Variants in RBFOX1 observed in about 807,000 individuals in gnomAD.
RBFOX1 encodes the protein RNA binding fox-1 homolog 1.
RBFOX1 carries 8 observed loss-of-function variants against 57.7 expected under a neutral mutation model. That is an observed-to-expected ratio of 0.14 (90% CI 0.08 to 0.25). The LOEUF (loss-of-function observed/expected upper bound fraction) is 0.25. Ranked by LOEUF, RBFOX1 falls within the 10% of genes least tolerant of loss-of-function variation. RBFOX1 has a pLI of 1.00. For missense variants in RBFOX1, 611 were observed against 548.5 expected, an observed-to-expected ratio of 1.11 and a Z score of -1.14; for synonymous variants, 326 against 222.4, an observed-to-expected ratio of 1.47 and a Z score of -4.15.
intron 14 of RBFOX1, among the ~76,000 whole-genome samples, chr16:7,700,729 A>G (rs1450889879): frequency 6.6e-6 from 1 of 152,188 alleles, no homozygotes; most frequent in Non-Finnish European, 1.5e-5. Flanking sequence ...TTTCATCACC[A>G]AAAGTGGGAC....
chr16:7,388,740 T>G (rs1205921512), intron 4 of RBFOX1, among the ~76,000 whole-genome samples: 1 of 150,450 alleles, frequency 6.6e-6, no homozygotes. Flanking sequence ...TTCCACGAGA[T>G]ATTCAATACT....
At chr16:6,733,329 G>A (rs1030155987) in intron 3 of RBFOX1, among the ~76,000 whole-genome samples, 3 of 152,106 alleles carry the variant, frequency 2.0e-5, no homozygotes, top group Non-Finnish European at 2.9e-5. Flanking sequence ...CATATATGTA[G>A]TCCTTCCATC....
At chr16:6,173,216 C>G (rs1286919942) in intron 1 of RBFOX1, among the ~76,000 whole-genome samples, 1 of 152,116 alleles carries the variant, frequency 6.6e-6, no homozygotes, top group Non-Finnish European at 1.5e-5. Context: ...GTGGACACTT[C>G]TGAGGGGTGG....
intron 1 of RBFOX1, among the ~76,000 whole-genome samples, chr16:6,314,155 C>T (rs2080769155): frequency 6.6e-6 from 1 of 152,104 alleles, no homozygotes; most frequent in Admixed American, 6.5e-5. Context: ...TCAGAGAAAC[C>T]TCTTTCTGGA....
At chr16:5,999,187 C>G (rs2060543204) in intron 4 of RBFOX1, among the ~76,000 whole-genome samples, 1 of 152,126 alleles carries the variant, frequency 6.6e-6, no homozygotes, top group African/African-American at 2.4e-5. Context: ...AGCCTCCTGC[C>G]AACACTGCCT....
intron 4 of RBFOX1, among the ~76,000 whole-genome samples, chr16:7,438,689 A>G (rs529662199): frequency 1.3e-5 from 2 of 152,308 alleles, no homozygotes; most frequent in African/African-American, 4.8e-5. Context: ...TTAACGTGCT[A>G]AAGTCGGCTT....
intron 2 of RBFOX1, among the ~76,000 whole-genome samples, chr16:6,591,456 A>C (rs2097709454): frequency 6.6e-6 from 1 of 152,130 alleles, no homozygotes. Flanking sequence ...TCTGTCTCAC[A>C]AAAAAAGGAA....
chr16:6,559,161 GTT>G (rs1368708048), intron 2 of RBFOX1, among the ~76,000 whole-genome samples: 3 of 133,948 alleles, frequency 2.2e-5, no homozygotes, highest in African/African-American at 8.1e-5. Flanking sequence ...ATATATGACT[GTT>G]TGTGTGTACA....
chr16:6,693,895 C>G (rs2060637161), intron 3 of RBFOX1, among the ~76,000 whole-genome samples: 1 of 152,332 alleles, frequency 6.6e-6, no homozygotes, highest in East Asian at 1.9e-4. Context: ...AATGTTGGAT[C>G]CTTTATGAGA....
chr16:7,120,520 A>C (rs938642004), intron 4 of RBFOX1, among the ~76,000 whole-genome samples: 1 of 151,978 alleles, frequency 6.6e-6, no homozygotes, highest in Non-Finnish European at 1.5e-5. Context: ...ATGCACATGT[A>C]GTCAACAACT....
chr16:6,872,662 G>C (rs2061144450), intron 3 of RBFOX1, among the ~76,000 whole-genome samples: 1 of 152,152 alleles, frequency 6.6e-6, no homozygotes, highest in South Asian at 2.1e-4. Flanking sequence ...AGAATGATTG[G>C]ACACTGTCAC....
intron 3 of RBFOX1, among the ~76,000 whole-genome samples, chr16:6,812,327 A>G (rs2088880652): frequency 6.6e-6 from 1 of 152,182 alleles, no homozygotes; most frequent in Non-Finnish European, 1.5e-5. Context: ...GAAAGGAAAC[A>G]CAATGCAAAG....
chr16:6,760,867 T>C (rs2076502555), intron 3 of RBFOX1, among the ~76,000 whole-genome samples: 1 of 152,118 alleles, frequency 6.6e-6, no homozygotes, highest in African/African-American at 2.4e-5. Context: ...CTCTGGTCAA[T>C]GCCACCCACC....
At chr16:6,674,865 A>G (rs1005517748) in intron 3 of RBFOX1, among the ~76,000 whole-genome samples, 6 of 152,092 alleles carry the variant, frequency 3.9e-5, no homozygotes, top group Non-Finnish European at 5.9e-5. Context: ...CTGGGAGAGA[A>G]TAAATTACTG....
chr16:5,277,795 T>G lies in RBFOX1; in HGVS notation c.219+37690T>G, dbSNP rs1466419503. On this transcript the variant is annotated intron_variant, in intron 1 of 2. Coordinates refer to the RBFOX1 transcript ENST00000585867. ...CCTAGTTCACCTGACATTATGACCT[T>G]TAGTTCCATCCATTTAGCTGAAAAT... Among the ~76,000 whole-genome samples the G allele has an allele frequency of 3.3e-5, 5 of 152,242 alleles. No homozygotes were observed. The South Asian group carries it at 6.2e-4, about 19-fold the overall frequency.
chr16:6,540,043 C>G (rs968717422), intron 2 of RBFOX1, among the ~76,000 whole-genome samples: 2 of 152,064 alleles, frequency 1.3e-5, no homozygotes, highest in African/African-American at 4.8e-5. Flanking sequence ...CAGTCTCTGT[C>G]CTGGGTAGGG....
At chr16:6,224,941 C>A (rs1446209141) in intron 1 of RBFOX1, among the ~76,000 whole-genome samples, 1 of 146,748 alleles carries the variant, frequency 6.8e-6, no homozygotes, top group Non-Finnish European at 1.5e-5. Flanking sequence ...ATCGCTTGAA[C>A]CTGGGAGGTG....
Position 5,589,101 on chromosome 16 carries a change from C to T in RBFOX1, c.259-9801C>T, listed in dbSNP as rs1020952594. On this transcript the variant is annotated intron_variant, in intron 2 of 2. Transcript: ENST00000585867. ...GGTATGGAGTGGGGTGGGAAGAAAC[C>T]GCCTCCTTATGGGAGATGTTGTAAA... is the stretch of plus-strand genomic sequence containing the variant. Among the ~76,000 whole-genome samples the T allele has an allele frequency of 4.6e-5, 7 of 152,138 alleles. No individual in the cohort carries two copies. In the East Asian group the frequency reaches 7.7e-4, roughly 17 times the overall value.
At position 7,541,916 on chromosome 16, in the gene RBFOX1, G is replaced by A. The variant is rs548218086; in HGVS notation, c.270+23527G>A. On this transcript the variant is annotated intron_variant, in intron 5 of 15. Transcript: ENST00000550418. ...ACATGCCTGCAAAGAAGTCTTGGGT[G>A]AGCAGATGCCAAGTTTCCCAGCAAA... is the stretch of plus-strand genomic sequence containing the variant. Among the ~76,000 whole-genome samples, 89 of 152,348 alleles carry A rather than the reference G, an allele frequency of 5.8e-4. No individual in the cohort carries two copies. In the Middle Eastern group the frequency reaches 0.01, roughly 17 times the overall value.
Sources: allele counts gnomAD v4.1 joint callset (sites outside exome capture counted in the v4.1 genomes callset), GRCh38; gene constraint gnomAD v4.1.1; transcripts MANE v1.5; gene names NCBI Gene and HGNC (gene_info 2026-07-23, HGNC 2026-07-21).